Variants in AUTS2 observed in about 807,000 individuals in gnomAD.
AUTS2 encodes autism susceptibility gene 2 protein.
Under a neutral mutation model 112.4 loss-of-function variants are expected in AUTS2, and 17 were observed. The ratio of observed to expected loss-of-function variants is 0.15; its 90% CI spans 0.10 to 0.23. The LOEUF is 0.23. AUTS2 is among the 10% of genes least tolerant of loss of function. The probability of loss-of-function intolerance (pLI) is 1.00; values close to 1 mark genes in which losing one functional copy is unlikely to be tolerated. For missense variants in AUTS2, 1,510 were observed against 1,701.6 expected (o/e 0.89, Z 1.98); for synonymous variants, 751 against 702.7 (o/e 1.07, Z -1.09).
intron 4 of AUTS2, among the ~76,000 whole-genome samples, chr7:70,312,555 G>A (rs1789809354): frequency 6.6e-6 from 1 of 152,182 alleles, no homozygotes; most frequent in African/African-American, 2.4e-5. Flanking sequence ...AGGATGTGGG[G>A]TGGAGTTCTT....
chr7:70,534,385 T>C lies in AUTS2; in HGVS notation c.690+98604T>C, dbSNP rs576884708. Among the ~76,000 whole-genome samples the C allele has an allele frequency of 2.7e-5, 4 of 149,272 alleles. No homozygotes were observed. The South Asian group carries it at 8.8e-4, about 33-fold the overall frequency. On this transcript the variant is annotated intron_variant, in intron 5 of 18. Coordinates refer to ENST00000342771, the MANE Select transcript of AUTS2 (RefSeq NM_015570.4). Reference sequence around the variant, plus strand: ...GCAAGACAGAATATCGGGGAGTTATTGGGAATATGAATTTGTTTGTTTGTT... The same window carrying C: ...GCAAGACAGAATATCGGGGAGTTATCGGGAATATGAATTTGTTTGTTTGTT...
intron 5 of AUTS2, among the ~76,000 whole-genome samples, chr7:70,617,230 C>A (rs1346359269): frequency 6.6e-6 from 1 of 152,188 alleles, no homozygotes; most frequent in Non-Finnish European, 1.5e-5. Flanking sequence ...CAGACACTTA[C>A]TTCGCATGCT....
At chr7:69,639,394 G>A (rs1583988859) in intron 1 of AUTS2, among the ~76,000 whole-genome samples, 1 of 152,290 alleles carries the variant, frequency 6.6e-6, no homozygotes, top group Non-Finnish European at 1.5e-5. Flanking sequence ...CATAAGTTCA[G>A]CAAAACCATA....
chr7:69,795,576 AG>A (rs1328782815), intron 1 of AUTS2, among the ~76,000 whole-genome samples: 1 of 152,230 alleles, frequency 6.6e-6, no homozygotes, highest in African/African-American at 2.4e-5. Flanking sequence ...TAGAGCAGTT[AG>A]GAGGCCATCT....
chr7:70,440,550 C>G (rs143434788), intron 5 of AUTS2, among the ~76,000 whole-genome samples: 142 of 152,288 alleles, frequency 9.3e-4, no homozygotes, highest in African/African-American at 3.2e-3. Context: ...GACTAGCATC[C>G]TCTTTGGAAA....
intron 4 of AUTS2, among the ~76,000 whole-genome samples, chr7:70,320,163 G>T (rs762482393): frequency 6.6e-6 from 1 of 152,056 alleles, no homozygotes; most frequent in African/African-American, 2.4e-5. Context: ...CTGTCCTATT[G>T]GTACTTTTGT....
chr7:69,838,903 C>T (rs1375031640), intron 1 of AUTS2, among the ~76,000 whole-genome samples: 1 of 152,126 alleles, frequency 6.6e-6, no homozygotes, highest in Non-Finnish European at 1.5e-5. Context: ...TGATTTTAAA[C>T]CCTGGCTCTA....
chr7:70,402,372 G>A (rs933230408), intron 4 of AUTS2, among the ~76,000 whole-genome samples: 7 of 152,220 alleles, frequency 4.6e-5, no homozygotes, highest in African/African-American at 1.4e-4. Context: ...CTGAAGTGGG[G>A]TCAGCTGTCT....
At chr7:70,644,335 GA>G (rs1475091078) in intron 5 of AUTS2, among the ~76,000 whole-genome samples, 1 of 152,162 alleles carries the variant, frequency 6.6e-6, no homozygotes, top group Admixed American at 6.5e-5. Flanking sequence ...TGCTATTTAG[GA>G]AAATTTTGAG....
chr7:69,797,395 CT>C (rs1189463659), intron 1 of AUTS2, among the ~76,000 whole-genome samples: 2 of 152,198 alleles, frequency 1.3e-5, no homozygotes, highest in African/African-American at 2.4e-5. Context: ...GGCTGCTGTG[CT>C]TTTCCAGTGC....
At chr7:70,358,858 G>A (rs891733543) in intron 4 of AUTS2, among the ~76,000 whole-genome samples, 7 of 152,296 alleles carry the variant, frequency 4.6e-5, no homozygotes, top group Middle Eastern at 3.4e-3. Context: ...AAAATAAAAT[G>A]AAATAAAATG....
At chr7:69,725,165 G>A (rs1786446372) in intron 1 of AUTS2, among the ~76,000 whole-genome samples, 1 of 152,128 alleles carries the variant, frequency 6.6e-6, no homozygotes, top group Non-Finnish European at 1.5e-5. Context: ...CTTTGCTTTA[G>A]GGGAAAGGAG....
At chr7:70,448,953 A>G (rs766853683) in intron 5 of AUTS2, among the ~76,000 whole-genome samples, 1 of 152,250 alleles carries the variant, frequency 6.6e-6, no homozygotes, top group Non-Finnish European at 1.5e-5. Context: ...TCATGAAGTC[A>G]TTGGATCCTT....
rs1790663214 is a variant in AUTS2 at position 69,814,222 on chromosome 7, T to C, written c.310-85064T>C. ...AAGCTGCACTGGCTTACCTTGTAAA[T>C]AGTATACACATTTTGTGAAAAGCTG... On this transcript the variant is annotated intron_variant, in intron 1 of 18. Transcript: ENST00000342771. Among the ~76,000 whole-genome samples, 4 of 152,366 alleles carry C rather than the reference T, an allele frequency of 2.6e-5. No individual in the cohort carries two copies. The South Asian group carries it at 8.3e-4, about 32-fold the overall frequency.
At chr7:69,951,086 C>CT (rs374098829) in intron 2 of AUTS2, among the ~76,000 whole-genome samples, 1 of 152,074 alleles carries the variant, frequency 6.6e-6, no homozygotes, top group East Asian at 1.9e-4. Context: ...CAAGGAATAA[C>CT]TTTTTTTATT....
intron 2 of AUTS2, among the ~76,000 whole-genome samples, chr7:70,110,377 G>A (rs902180352): frequency 1.1e-4 from 16 of 152,086 alleles, no homozygotes; most frequent in Non-Finnish European, 1.3e-4. Flanking sequence ...TCAGCCAGGC[G>A]TGGTGGTGGG....
At chr7:70,043,565 C>CTTCCTTCT in intron 2 of AUTS2, among the ~76,000 whole-genome samples, 1 of 87,278 alleles carries the variant, frequency 1.1e-5, no homozygotes, top group South Asian at 4.2e-4. Context: ...TCCTTCCTTC[C>CTTCCTTCT]TTCCTTCCTT....
At chr7:70,073,629 C>T (rs1802892618) in intron 2 of AUTS2, among the ~76,000 whole-genome samples, 1 of 151,968 alleles carries the variant, frequency 6.6e-6, no homozygotes, top group Non-Finnish European at 1.5e-5. Flanking sequence ...TACTTAATCT[C>T]TCTGAGCCTT....
At chr7:70,638,877 G>A (rs1322603896) in intron 5 of AUTS2, among the ~76,000 whole-genome samples, 1 of 152,126 alleles carries the variant, frequency 6.6e-6, no homozygotes, top group Admixed American at 6.5e-5. Context: ...TAGAGAGCAG[G>A]CAGATATTGC....
Sources: gnomAD v4.1 joint callset for allele counts (sites outside exome capture counted in the v4.1 genomes callset) on GRCh38, gnomAD v4.1.1 for gene constraint, MANE v1.5 for transcripts, NCBI Gene and HGNC (gene_info 2026-07-23, HGNC 2026-07-21) for gene names.